The following UBE2Q2 variants were observed in gnomAD, a reference collection of about 807,000 sequenced individuals.
UBE2Q2 encodes the protein ubiquitin conjugating enzyme E2 Q2.
UBE2Q2 carries 54 observed loss-of-function variants against 59.9 expected under a neutral mutation model. That is an observed-to-expected ratio of 0.90 (90% CI 0.72 to 1.13). The LOEUF (loss-of-function observed/expected upper bound fraction) is 1.13, where lower values mean the gene tolerates loss of function less well. UBE2Q2 is among the 50% of genes most tolerant of loss of function. UBE2Q2 has a pLI of 0.00. For synonymous variants in UBE2Q2, 165 were observed against 155.2 expected (o/e 1.06, Z -0.47); for missense variants, 433 against 441.9 (o/e 0.98, Z 0.18).
chr15:75,867,466 T>C (rs752436199), intron 3 of UBE2Q2, among the ~76,000 whole-genome samples: 1 of 152,222 alleles, frequency 6.6e-6, no homozygotes, highest in Admixed American at 6.5e-5. Flanking sequence ...ACTAAGGGTA[T>C]TCTCCTTGTA....
chr15:75,891,662 T>A (rs983309721), intron 11 of UBE2Q2, among the ~76,000 whole-genome samples: 2 of 152,196 alleles, frequency 1.3e-5, no homozygotes, highest in African/African-American at 4.8e-5. Flanking sequence ...CTGGCTGCCC[T>A]AGGCCCAACC....
intron 6 of UBE2Q2, among the ~76,000 whole-genome samples, chr15:75,876,804 T>C (rs918711217): frequency 2.6e-5 from 4 of 152,206 alleles, no homozygotes; most frequent in Non-Finnish European, 4.4e-5. Flanking sequence ...AGAGGTAAAA[T>C]TCTCATATTG....
At chr15:75,844,766 C>T (rs2593299) in intron 1 of UBE2Q2, among the ~76,000 whole-genome samples, 2 of 152,050 alleles carry the variant, frequency 1.3e-5, no homozygotes, top group Non-Finnish European at 2.9e-5. Flanking sequence ...AGAATATTCT[C>T]TTGGTTATAA....
chr15:75,877,700 A>G (rs1326028788), intron 6 of UBE2Q2, among the ~76,000 whole-genome samples: 1 of 152,230 alleles, frequency 6.6e-6, no homozygotes, highest in African/African-American at 2.4e-5. Context: ...ATGATTTTGC[A>G]TAATCTTTTT....
At chr15:75,893,729 A>G (rs1899238290) in intron 11 of UBE2Q2, among the ~76,000 whole-genome samples, 1 of 152,218 alleles carries the variant, frequency 6.6e-6, no homozygotes, top group Non-Finnish European at 1.5e-5. Flanking sequence ...CATATAATTT[A>G]AATATGAAGC....
rs1340471802 is a variant in UBE2Q2, at chr15:75,876,125, G to A, written c.589-62G>A. ...ATTTTTGCTGTAATCTTTTAGATCAGGTTGAAATATCTTAAATCTTAGCTC... is the reference window on the plus strand; with the variant it reads ...ATTTTTGCTGTAATCTTTTAGATCAAGTTGAAATATCTTAAATCTTAGCTC... On this transcript the variant is annotated intron_variant, in intron 5 of 12. Transcript: ENST00000267938. 5.3e-6 allele frequency: 8 copies of A among 1,495,412 alleles called. No homozygotes were observed. In the South Asian group the frequency reaches 5.9e-5, roughly 11 times the overall value. 92.6% of individuals were successfully genotyped at this position (1,495,412 alleles called of 1,614,324 possible). A position where few individuals can be genotyped will look rare whatever the true frequency, so the allele number is the denominator to read the frequency against.
intron 3 of UBE2Q2, 79 bp from the exon 4 acceptor site, chr15:75,868,872 T>C: frequency 1.6e-6 from 2 of 1,246,636 alleles, no homozygotes; most frequent in Non-Finnish European, 2.3e-6. Context: ...TTTGAGAGTT[T>C]GTGGCACCAG....
intron 1 of UBE2Q2, among the ~76,000 whole-genome samples, chr15:75,845,082 A>G (rs1281382079): frequency 6.6e-6 from 1 of 152,094 alleles, no homozygotes; most frequent in Non-Finnish European, 1.5e-5. Flanking sequence ...TCGCTCTCAG[A>G]ACTCAGTCTT....
chr15:75,849,681 G>A (rs1896537324), intron 1 of UBE2Q2, among the ~76,000 whole-genome samples: 1 of 152,142 alleles, frequency 6.6e-6, no homozygotes, highest in African/African-American at 2.4e-5. Flanking sequence ...AATGTTTATG[G>A]TAGCTTCACA....
chr15:75,887,215 T>TC (rs1898829115), intron 9 of UBE2Q2, among the ~76,000 whole-genome samples: 1 of 152,176 alleles, frequency 6.6e-6, no homozygotes, highest in Admixed American at 6.5e-5. Flanking sequence ...TACTAAGTAC[T>TC]CCATTGATTA....
chr15:75,893,315 A>G (rs928588136), intron 11 of UBE2Q2, among the ~76,000 whole-genome samples: 4 of 152,254 alleles, frequency 2.6e-5, no homozygotes, highest in Non-Finnish European at 5.9e-5. Flanking sequence ...CAAATGATGC[A>G]GCTTTAGTAT....
chr15:75,893,618 TTAGATA>T (rs1899229999), intron 11 of UBE2Q2, among the ~76,000 whole-genome samples: 1 of 152,142 alleles, frequency 6.6e-6, no homozygotes, highest in Non-Finnish European at 1.5e-5. Flanking sequence ...TACCCAATAA[TTAGATA>T]TAGATCGTTC....
rs1898075648 is a variant in UBE2Q2 at position 75,876,287 on chromosome 15, T to A, written c.673+16T>A. ...TATAAAACAGGTAAGGATCTCTGGATCCCTGCTCTCTTTATGATTCTTCTG... is the reference window on the plus strand; with the variant it reads ...TATAAAACAGGTAAGGATCTCTGGAACCCTGCTCTCTTTATGATTCTTCTG... On this transcript the variant is annotated intron_variant, in intron 6 of 12. Coordinates refer to ENST00000267938, the MANE Select transcript of UBE2Q2 (RefSeq NM_173469.4). The A allele has an allele frequency of 6.3e-7, 1 of 1,596,216 alleles. No homozygotes were observed. Among genetic ancestry groups the A allele is most frequent in the Non-Finnish European group, 8.6e-7 (1 of 1,165,794 alleles).
At chr15:75,844,332 T>A (rs907235621) in intron 1 of UBE2Q2, 68 of 1,549,680 alleles carry the variant, frequency 4.4e-5, no homozygotes, top group Admixed American at 5.9e-5. Context: ...TTTTTAAGTT[T>A]GCGTTTAAGG....
At chr15:75,892,618 G>C (rs751304998) in intron 11 of UBE2Q2, among the ~76,000 whole-genome samples, 9 of 152,310 alleles carry the variant, frequency 5.9e-5, no homozygotes, top group Non-Finnish European at 1.3e-4. Context: ...TCAACACTTT[G>C]GGAGGCCGAG....
chr15:75,877,400 C>A, intron 6 of UBE2Q2, among the ~76,000 whole-genome samples: 1 of 150,986 alleles, frequency 6.6e-6, no homozygotes, highest in Non-Finnish European at 1.5e-5. Context: ...TCTGTAGAAA[C>A]CTAATAAAGT....
At chr15:75,896,868 T>G in intron 11 of UBE2Q2, 127 bp from the exon 12 acceptor site, 1 of 497,418 alleles carries the variant, frequency 2.0e-6, no homozygotes, top group Non-Finnish European at 3.6e-6. Flanking sequence ...TAAGTTAAAA[T>G]TGTTTTTGAA....
At chr15:75,876,304 ATTC>A in intron 6 of UBE2Q2, 33 bp downstream of exon 6, 1 of 1,549,630 alleles carries the variant, frequency 6.5e-7, no homozygotes, top group Non-Finnish European at 8.9e-7. Context: ...TCTCTTTATG[ATTC>A]TTCTGCTCTT....
chr15:75,848,174 A>G (rs1896454084), intron 1 of UBE2Q2, among the ~76,000 whole-genome samples: 1 of 152,220 alleles, frequency 6.6e-6, no homozygotes, highest in Non-Finnish European at 1.5e-5. Flanking sequence ...CAATGATATT[A>G]TGTTCTACAA....
Sources: allele counts gnomAD v4.1 joint callset (sites outside exome capture counted in the v4.1 genomes callset), GRCh38; gene constraint gnomAD v4.1.1; transcripts MANE v1.5; gene names NCBI Gene and HGNC (gene_info 2026-07-23, HGNC 2026-07-21).